The following XRCC5 variants were observed in gnomAD, a reference collection of about 807,000 sequenced individuals.
XRCC5 encodes the protein X-ray repair cross complementing 5, also known as DNA repair protein Ku80.
A neutral mutation model predicts 95.7 loss-of-function variants in XRCC5; 12 were observed. That is an observed-to-expected ratio of 0.13 (90% CI 0.08 to 0.20). The LOEUF is 0.20. Ranked by LOEUF, XRCC5 falls within the 10% of genes least tolerant of loss-of-function variation. The probability of loss-of-function intolerance (pLI) is 1.00; values close to 1 mark genes in which losing one functional copy is unlikely to be tolerated. For synonymous variants in XRCC5, 281 were observed against 290.3 expected (o/e 0.97, Z 0.33); for missense variants, 595 against 873.9 (o/e 0.68, Z 4.02).
At chr2:216,131,127 C>T (rs1241490556) in intron 9 of XRCC5, 140 bp downstream of exon 9, 1 of 1,416,438 alleles carries the variant, frequency 7.1e-7, no homozygotes, top group Non-Finnish European at 9.2e-7. Flanking sequence ...TTAATGTTGC[C>T]ATGGTATGTA....
intron 16 of XRCC5, among the ~76,000 whole-genome samples, chr2:216,172,689 G>C (rs534004630): frequency 6.6e-6 from 1 of 152,110 alleles, no homozygotes; most frequent in African/African-American, 2.4e-5. Context: ...CAGGCTGGTT[G>C]AACTCCTGAC....
chr2:216,178,073 C>T (rs1017521168), intron 16 of XRCC5, among the ~76,000 whole-genome samples: 10 of 152,094 alleles, frequency 6.6e-5, no homozygotes, highest in Admixed American at 2.6e-4. Flanking sequence ...GTATGTGGTT[C>T]AGAAGGAATA....
In XRCC5 at chr2:216,116,810, G is replaced by A; in HGVS notation, c.287G>A (p.Ser96Asn). ...TTTGATTTGCTGGAGGACATTGAAA[G>A]CAAAATCCAACCAGGTTCTCAACAG... The part of the protein sequence containing the change: ...PDFDLLEDIE[S>N]KIQPGSQQAD... The change falls in exon 3 of 21, where the codon AGC (serine) becomes AAC (asparagine). Residue 96 changes from serine (S) to asparagine (N), a missense_variant. Around this residue, in one of 2 missense-constraint regions of XRCC5, gnomAD observed 286 missense variants for 491.1 expected, o/e 0.58. Transcript: ENST00000392132. 1 of 1,614,132 alleles carries A rather than the reference G, an allele frequency of 6.2e-7. No homozygotes were observed. The highest frequency in any genetic ancestry group is 8.5e-7 in the Non-Finnish European group (1 of 1,179,996).
In XRCC5 at chr2:216,132,341, T is replaced by A. The variant is rs571782420; in HGVS notation, c.1067T>A (p.Phe356Tyr). The A allele has an allele frequency of 2.2e-4, 351 of 1,614,038 alleles. 7 individuals carry two copies. The South Asian group carries it at 3.8e-3, about 17-fold the overall frequency. ...CKSSQVQRRF[F>Y]MGNQVLKVFA... ...CTCTTGTAGGTTCAGAGAAGATTCT[T>A]CATGGGAAATCAAGTTCTAAAGGTC... Residue 356 changes from phenylalanine to tyrosine, a missense_variant, in exon 10 of 21, where the codon TTC (phenylalanine) becomes TAC (tyrosine). Transcript: ENST00000392132.
intron 14 of XRCC5, chr2:216,156,357 T>C: frequency 2.8e-6 from 2 of 702,006 alleles, no homozygotes; most frequent in South Asian, 2.7e-5. Context: ...TCTCTTCTGC[T>C]GTTGTGGGGT....
At chr2:216,112,253 CACTT>C (rs1696602375) in intron 1 of XRCC5, among the ~76,000 whole-genome samples, 1 of 152,162 alleles carries the variant, frequency 6.6e-6, no homozygotes, top group African/African-American at 2.4e-5. Flanking sequence ...TTCCGTCTGT[CACTT>C]ACTTGTTCAC....
intron 16 of XRCC5, among the ~76,000 whole-genome samples, chr2:216,179,242 CCTT>C (rs1689336787): frequency 6.6e-6 from 1 of 152,176 alleles, no homozygotes; most frequent in South Asian, 2.1e-4. Flanking sequence ...TGTAATCTCT[CCTT>C]CTCTCTTAAC....
At chr2:216,199,810 CTTTTTTTT>C (rs375975027) in intron 19 of XRCC5, among the ~76,000 whole-genome samples, 1 of 120,274 alleles carries the variant, frequency 8.3e-6, no homozygotes, top group Non-Finnish European at 1.7e-5. Context: ...GCATTGGGAT[CTTTTTTTT>C]TTTTTTTTTT....
At chr2:216,204,464 A>G (rs1689904403) in intron 20 of XRCC5, 68 bp downstream of exon 20, 1 of 1,532,418 alleles carries the variant, frequency 6.5e-7, no homozygotes, top group Admixed American at 1.7e-5. Context: ...TACAGCCACA[A>G]AGGCTGATTA....
intron 16 of XRCC5, among the ~76,000 whole-genome samples, chr2:216,185,554 A>C (rs754028702): frequency 6.6e-5 from 10 of 152,294 alleles, no homozygotes; most frequent in Non-Finnish European, 1.3e-4. Flanking sequence ...TATTCTCTTA[A>C]TAATGAATTA....
At chr2:216,114,910 A>G (rs1212907009) in intron 2 of XRCC5, among the ~76,000 whole-genome samples, 3 of 152,180 alleles carry the variant, frequency 2.0e-5, no homozygotes, top group Non-Finnish European at 1.5e-5. Context: ...CTTAAGCAGT[A>G]GCAGGGCTAG....
chr2:216,189,324 G>A (rs1029801732), intron 16 of XRCC5, among the ~76,000 whole-genome samples: 1 of 152,208 alleles, frequency 6.6e-6, no homozygotes, highest in African/African-American at 2.4e-5. Flanking sequence ...ATGGTTTCAG[G>A]GGACAAGGGA....
chr2:216,187,813 ACACACACACTCTCT>A (rs1380115166), intron 16 of XRCC5, among the ~76,000 whole-genome samples: 11 of 108,002 alleles, frequency 1.0e-4, no homozygotes, highest in East Asian at 2.7e-4. Context: ...ACACACACAC[ACACACACACTCTCT>A]CTCTCTCTCT....
chr2:216,159,383 G>A (rs1688905148), intron 14 of XRCC5, among the ~76,000 whole-genome samples: 1 of 152,156 alleles, frequency 6.6e-6, no homozygotes, highest in South Asian at 2.1e-4. Context: ...GTTGCTTGAG[G>A]CAAGATGTTT....
chr2:216,125,908 TTTA>T lies in XRCC5; in HGVS notation c.684-5_684-3del. ...TTGTTGCTTTCATTTTATATTTTTC[TTTA>T]TTAAGTGAGAGTCTGAGAAAACTGT... On this transcript the variant is annotated splice_polypyrimidine_tract_variant and splice_region_variant and intron_variant, in intron 6 of 20. Coordinates refer to ENST00000392132, the MANE Select transcript of XRCC5 (RefSeq NM_021141.4). 1 of 1,607,126 alleles carries T rather than the reference TTTA, an allele frequency of 6.2e-7. No individual in the cohort carries two copies. The highest frequency in any genetic ancestry group is 8.5e-7 in the Non-Finnish European group (1 of 1,174,258).
At chr2:216,156,502 A>C (rs1263138478) in intron 14 of XRCC5, 1 of 633,174 alleles carries the variant, frequency 1.6e-6, no homozygotes, top group Admixed American at 1.8e-5. Flanking sequence ...GCATTCAATC[A>C]CAGCAAAACA....
At chr2:216,198,928 A>G (rs1689784216) in intron 19 of XRCC5, among the ~76,000 whole-genome samples, 1 of 151,940 alleles carries the variant, frequency 6.6e-6, no homozygotes, top group Non-Finnish European at 1.5e-5. Flanking sequence ...CATGTAAATG[A>G]TAATGGGGAG....
chr2:216,205,063 A>G, intron 20 of XRCC5, 125 bp from the exon 21 acceptor site: 1 of 1,120,836 alleles, frequency 8.9e-7, no homozygotes, highest in East Asian at 2.4e-5. Context: ...TGAGCGGTGA[A>G]TAAATGAGCA....
At chr2:216,133,856 A>G (rs1015922851) in intron 10 of XRCC5, among the ~76,000 whole-genome samples, 1 of 152,206 alleles carries the variant, frequency 6.6e-6, no homozygotes, top group Non-Finnish European at 1.5e-5. Context: ...CAGTAAAACA[A>G]AACAAAAGAA....
Sources: allele counts gnomAD v4.1 joint callset (sites outside exome capture counted in the v4.1 genomes callset), GRCh38; gene constraint gnomAD v4.1.1; regional missense constraint gnomAD v4.1.1; transcripts MANE v1.5; gene names NCBI Gene and HGNC (gene_info 2026-07-23, HGNC 2026-07-21).